GRM8: variants seen among roughly 807,000 people sequenced by gnomAD.
The protein encoded by GRM8 is metabotropic glutamate receptor 8.
GRM8 carries 47 observed loss-of-function variants against 87.2 expected under a neutral mutation model. That is an observed-to-expected ratio of 0.54 (90% CI 0.43 to 0.69). The LOEUF (loss-of-function observed/expected upper bound fraction) is 0.69. Ranked by LOEUF, GRM8 falls within the 30% of genes least tolerant of loss-of-function variation. The pLI is 0.00. For missense variants in GRM8, 1,019 were observed against 1,139.2 expected (o/e 0.89, Z 1.52); for synonymous variants, 396 against 404.5 (o/e 0.98, Z 0.25).
At chr7:126,953,495 T>C (rs1430706319) in intron 3 of GRM8, among the ~76,000 whole-genome samples, 1 of 152,182 alleles carries the variant, frequency 6.6e-6, no homozygotes, top group Non-Finnish European at 1.5e-5. Flanking sequence ...AGAAACTCTA[T>C]TGCTAAGATG....
At chr7:127,126,247 T>C (rs528507220) in intron 2 of GRM8, among the ~76,000 whole-genome samples, 73 of 152,124 alleles carry the variant, frequency 4.8e-4, no homozygotes, top group Admixed American at 1.0e-3. Context: ...CATCAGTGGA[T>C]GACTGGATAA....
At chr7:126,930,487 T>C (rs567529458) in intron 3 of GRM8, among the ~76,000 whole-genome samples, 6 of 152,328 alleles carry the variant, frequency 3.9e-5, no homozygotes, top group African/African-American at 9.6e-5. Flanking sequence ...GACTGTGATA[T>C]GTTTTTGCCT....
At chr7:126,958,446 C>T (rs192935461) in intron 3 of GRM8, among the ~76,000 whole-genome samples, 2 of 152,296 alleles carry the variant, frequency 1.3e-5, no homozygotes, top group East Asian at 1.9e-4. Context: ...AAGCCGCTTG[C>T]GGTATGTCTG....
chr7:126,799,253 G>A lies in GRM8; in HGVS notation c.1157-29188C>T, dbSNP rs534345221. 9.2e-5 allele frequency among the ~76,000 whole-genome samples: 14 copies of A among 152,180 alleles called. 1 individual carries two copies. The South Asian group carries it at 2.9e-3, about 32-fold the overall frequency. On this transcript the variant is annotated intron_variant, in intron 6 of 10. Transcript: ENST00000339582. ...TCCCCATAGGATTCTTGAACACACTGATAATTGGAGAAGTACCACTCCAGC... is the reference window on the plus strand; with the variant it reads ...TCCCCATAGGATTCTTGAACACACTAATAATTGGAGAAGTACCACTCCAGC...
At chr7:126,497,831 G>A (rs554523983) in intron 9 of GRM8, among the ~76,000 whole-genome samples, 13 of 152,022 alleles carry the variant, frequency 8.6e-5, no homozygotes, top group African/African-American at 1.7e-4. Flanking sequence ...ATTATAAAAC[G>A]GAGGGAGAAA....
chr7:127,032,857 G>T (rs1307284810), intron 3 of GRM8, among the ~76,000 whole-genome samples: 7 of 151,688 alleles, frequency 4.6e-5, no homozygotes, highest in Admixed American at 4.6e-4. Context: ...TTGCTTTTTT[G>T]TTGTTGTTAT....
At chr7:127,125,811 A>T (rs1827336477) in intron 2 of GRM8, among the ~76,000 whole-genome samples, 1 of 118,846 alleles carries the variant, frequency 8.4e-6, no homozygotes, top group Admixed American at 7.9e-5. Context: ...AATAACTATT[A>T]AAAAGTGAGC....
At chr7:126,941,770 T>G (rs998757845) in intron 3 of GRM8, among the ~76,000 whole-genome samples, 1 of 152,288 alleles carries the variant, frequency 6.6e-6, no homozygotes. Context: ...CCCAAAAGTC[T>G]GAGAGATTTA....
intron 2 of GRM8, among the ~76,000 whole-genome samples, chr7:127,227,276 T>C (rs932846057): frequency 6.6e-6 from 1 of 152,142 alleles, no homozygotes; most frequent in African/African-American, 2.4e-5. Context: ...ACTCTTCCTC[T>C]GCCAAGGTAC....
At chr7:126,745,024 A>AC (rs1471460433) in intron 7 of GRM8, among the ~76,000 whole-genome samples, 1 of 151,890 alleles carries the variant, frequency 6.6e-6, no homozygotes, top group Non-Finnish European at 1.5e-5. Flanking sequence ...ACACATTTTA[A>AC]ATGTTTCTCA....
chr7:127,174,105 A>T (rs1283307006), intron 2 of GRM8, among the ~76,000 whole-genome samples: 1 of 152,224 alleles, frequency 6.6e-6, no homozygotes, highest in Non-Finnish European at 1.5e-5. Context: ...TTAGATATTC[A>T]TCATACATAC....
chr7:126,762,359 G>A (rs888009158), intron 7 of GRM8, among the ~76,000 whole-genome samples: 1 of 151,812 alleles, frequency 6.6e-6, no homozygotes, highest in African/African-American at 2.4e-5. Flanking sequence ...AAAAGATGAA[G>A]TTGAGAGGCT....
intron 7 of GRM8, among the ~76,000 whole-genome samples, chr7:126,747,691 G>A (rs1815855422): frequency 6.6e-6 from 1 of 151,706 alleles, no homozygotes; most frequent in Admixed American, 6.6e-5. Flanking sequence ...ACCTTTCTCA[G>A]GATGCTAATA....
chr7:126,455,211 C>A (rs1803085497), intron 9 of GRM8, among the ~76,000 whole-genome samples: 1 of 151,636 alleles, frequency 6.6e-6, no homozygotes, highest in South Asian at 2.1e-4. Context: ...ATTACACAGT[C>A]ACGAAGAAGT....
chr7:126,786,742 A>G (rs1563186919), intron 6 of GRM8, among the ~76,000 whole-genome samples: 1 of 152,150 alleles, frequency 6.6e-6, no homozygotes, highest in Non-Finnish European at 1.5e-5. Flanking sequence ...TTATACTCCA[A>G]TAATATTATA....
At chr7:126,901,696 T>G (rs79014520) in intron 6 of GRM8, among the ~76,000 whole-genome samples, 2,059 of 152,312 alleles carry the variant, frequency 0.014, 43 homozygotes, top group African/African-American at 0.047. Context: ...GAAGAAGGAA[T>G]GAATCATTTC....
intron 6 of GRM8, among the ~76,000 whole-genome samples, chr7:126,849,793 T>C (rs972861474): frequency 6.6e-6 from 1 of 151,968 alleles, no homozygotes; most frequent in Admixed American, 6.6e-5. Context: ...TTCATACCCA[T>C]CTCCTCTCCC....
rs772874613 is a variant in GRM8 at position 127,014,926 on chromosome 7, G to GGAGA, written c.727+91566_727+91569dup. On this transcript the variant is annotated intron_variant, in intron 3 of 10. Transcript: ENST00000339582. ...ATGGGAGGGGAGAAAGGAAAGAGAA[G>GGAGA]GAGAGAGAGAGAGAGAGAAAGAGAG... Among the ~76,000 whole-genome samples the GGAGA allele has an allele frequency of 9.5e-3, 1,296 of 135,806 alleles. 40 individuals are homozygous for GGAGA. The highest frequency in any genetic ancestry group is 0.035 in the African/African-American group (1,225 of 35,002). 89.1% of individuals were successfully genotyped at this position (135,806 alleles called of 152,430 possible).
intron 7 of GRM8, among the ~76,000 whole-genome samples, chr7:126,667,091 A>G (rs1484603293): frequency 6.6e-6 from 1 of 152,214 alleles, no homozygotes; most frequent in Non-Finnish European, 1.5e-5. Context: ...ACACAAAAAT[A>G]GCACTTACTA....
Sources: allele counts gnomAD v4.1 joint callset (sites outside exome capture counted in the v4.1 genomes callset), GRCh38; gene constraint gnomAD v4.1.1; transcripts MANE v1.5; gene names NCBI Gene and HGNC (gene_info 2026-07-23, HGNC 2026-07-21).